The following SHANK2 variants were observed in gnomAD, a reference collection of about 807,000 sequenced individuals.
SHANK2 encodes SH3 and multiple ankyrin repeat domains protein 2.
SHANK2 carries 43 observed loss-of-function variants against 133.7 expected under a neutral mutation model. The ratio of observed to expected loss-of-function variants is 0.32; its 90% CI spans 0.25 to 0.41. SHANK2 has a LOEUF of 0.41. SHANK2 is among the 10% of genes least tolerant of loss of function. The probability of loss-of-function intolerance (pLI) is 1.00; values close to 1 mark genes in which losing one functional copy is unlikely to be tolerated. For missense variants in SHANK2, 1,994 were observed against 2,235.8 expected, an observed-to-expected ratio of 0.89 and a Z score of 2.18; for synonymous variants, 1,017 against 952.8, an observed-to-expected ratio of 1.07 and a Z score of -1.24.
At chr11:70,919,235 C>T (rs1477997987) in intron 10 of SHANK2, among the ~76,000 whole-genome samples, 3 of 152,158 alleles carry the variant, frequency 2.0e-5, no homozygotes, top group Non-Finnish European at 4.4e-5. Context: ...AGCTGATGAA[C>T]ACGCACACCG....
chr11:71,149,079 T>G (rs1315063033), intron 2 of SHANK2, among the ~76,000 whole-genome samples: 1 of 152,168 alleles, frequency 6.6e-6, no homozygotes, highest in African/African-American at 2.4e-5. Context: ...TGCCGTATTA[T>G]TCTCTTTGTT....
intron 11 of SHANK2, among the ~76,000 whole-genome samples, chr11:70,833,778 C>T (rs1392388117): frequency 1.3e-5 from 2 of 152,214 alleles, no homozygotes; most frequent in African/African-American, 2.4e-5. Context: ...ATTATTACAA[C>T]AGCTTGTTGA....
At chr11:70,661,878 G>A (rs1591720385) in intron 15 of SHANK2, 200 bp from the exon 16 acceptor site, 3 of 1,456,292 alleles carry the variant, frequency 2.1e-6, no homozygotes, top group East Asian at 4.6e-5. Context: ...ATAGGCGAGC[G>A]TGGCACAATG....
chr11:70,780,287 T>C (rs1442220953), intron 14 of SHANK2, among the ~76,000 whole-genome samples: 2 of 152,046 alleles, frequency 1.3e-5, no homozygotes, highest in South Asian at 2.1e-4. Flanking sequence ...AGCCCTTGAG[T>C]TGGTACAGGG....
chr11:71,227,884 G>A (rs1306216733), intron 1 of SHANK2, among the ~76,000 whole-genome samples: 1 of 151,714 alleles, frequency 6.6e-6, no homozygotes, highest in Non-Finnish European at 1.5e-5. Context: ...CCCAAAGCAA[G>A]CAGAAGGAAG....
rs144395453 is a variant in SHANK2 at position 70,836,927 on chromosome 11, A to C, written c.1175-16245T>G. The stretch of plus-strand genomic sequence containing the variant: ...GATGAGGTCAAGGAGGTGGGACCCC[A>C]TGATGGGACTGGTGTCCTTGTAAGA... On this transcript the variant is annotated intron_variant, in intron 11 of 25. Transcript: ENST00000601538. 3.5e-3 allele frequency among the ~76,000 whole-genome samples: 536 copies of C among 152,330 alleles called. 8 individuals carry two copies. In the East Asian group the frequency reaches 0.046, roughly 13 times the overall value.
intron 10 of SHANK2, among the ~76,000 whole-genome samples, chr11:70,950,402 G>A (rs546823292): frequency 3.9e-5 from 6 of 152,218 alleles, no homozygotes; most frequent in African/African-American, 1.4e-4. Flanking sequence ...TATTGGCCAG[G>A]CTGGTCTCGA....
At chr11:70,712,751 C>G (rs1386218045) in intron 14 of SHANK2, among the ~76,000 whole-genome samples, 3 of 152,244 alleles carry the variant, frequency 2.0e-5, no homozygotes, top group African/African-American at 7.2e-5. Context: ...CCCAGCTCTG[C>G]ACCAACAGCC....
intron 9 of SHANK2, among the ~76,000 whole-genome samples, chr11:71,066,544 C>T: frequency 6.6e-6 from 1 of 152,110 alleles, no homozygotes; most frequent in South Asian, 2.1e-4. Flanking sequence ...GCACAGACAA[C>T]GTTGCAACCA....
intron 15 of SHANK2, among the ~76,000 whole-genome samples, chr11:70,666,391 G>A (rs1944678148): frequency 6.6e-6 from 1 of 151,976 alleles, no homozygotes; most frequent in South Asian, 2.1e-4. Context: ...CAATCAGACA[G>A]GGGGGTCTCA....
intron 8 of SHANK2, among the ~76,000 whole-genome samples, chr11:71,082,265 C>T (rs994613917): frequency 0.96 from 145,644 of 152,266 alleles, 69,868 homozygotes; most frequent in Non-Finnish European, 1. Flanking sequence ...TTGTGCTTAC[C>T]GTGACCAAGC....
intron 3 of SHANK2, among the ~76,000 whole-genome samples, chr11:71,125,463 G>T (rs1370011359): frequency 6.6e-6 from 1 of 152,228 alleles, no homozygotes; most frequent in Non-Finnish European, 1.5e-5. Context: ...GATCAAGACG[G>T]TCACAACATT....
intron 2 of SHANK2, among the ~76,000 whole-genome samples, chr11:71,164,034 G>A (rs12289762): frequency 0.077 from 11,789 of 152,178 alleles, 1,062 homozygotes; most frequent in African/African-American, 0.22. Context: ...GGATCTAAAA[G>A]GAAATGTAAA....
chr11:71,212,053 C>T (rs1555118942), intron 2 of SHANK2, among the ~76,000 whole-genome samples: 1 of 152,146 alleles, frequency 6.6e-6, no homozygotes, highest in Non-Finnish European at 1.5e-5. Context: ...AACACCGTGT[C>T]GCATGAAAAA....
chr11:71,197,256 C>T (rs1555116345), intron 2 of SHANK2, among the ~76,000 whole-genome samples: 1 of 152,012 alleles, frequency 6.6e-6, no homozygotes, highest in Non-Finnish European at 1.5e-5. Context: ...CCCCAGTGTC[C>T]GGCCTGAGCA....
chr11:70,861,891 T>C (rs1348901431), intron 11 of SHANK2, among the ~76,000 whole-genome samples: 1 of 151,708 alleles, frequency 6.6e-6, no homozygotes, highest in Non-Finnish European at 1.5e-5. Context: ...AGCAGAGATG[T>C]GATCAGTTAG....
In SHANK2 at chr11:71,067,204, A is replaced by G. The variant is rs968544768; in HGVS notation, c.1029+7955T>C. Among the ~76,000 whole-genome samples, 199 of 152,302 alleles carry G rather than the reference A, an allele frequency of 1.3e-3. 1 individual carries two copies. The highest frequency in any genetic ancestry group is 4.4e-3 in the African/African-American group (181 of 41,570). On this transcript the variant is annotated intron_variant, in intron 9 of 25. Coordinates refer to ENST00000601538, the MANE Select transcript of SHANK2 (RefSeq NM_012309.5). ...ATGATGGCCCCATGGGAGCTGCCAC[A>G]GCTCGGACAGGTTCCCCGTGGGACA...
intron 17 of SHANK2, among the ~76,000 whole-genome samples, chr11:70,522,816 T>C (rs782290667): frequency 1.3e-5 from 2 of 152,166 alleles, no homozygotes; most frequent in Non-Finnish European, 2.9e-5. Flanking sequence ...GGCGGCATCA[T>C]TTGAGACTCG....
chr11:70,642,542 T>A (rs1269624324), intron 17 of SHANK2, among the ~76,000 whole-genome samples: 3 of 152,186 alleles, frequency 2.0e-5, no homozygotes, highest in Non-Finnish European at 2.9e-5. Context: ...TAATCGCAGT[T>A]GAGGCGGGGC....
Sources: allele counts gnomAD v4.1 joint callset (sites outside exome capture counted in the v4.1 genomes callset), GRCh38; gene constraint gnomAD v4.1.1; transcripts MANE v1.5; gene names NCBI Gene and HGNC (gene_info 2026-07-23, HGNC 2026-07-21).